Variants in SYNDIG1 observed in about 807,000 individuals in gnomAD.
SYNDIG1 encodes the protein synapse differentiation inducing 1.
A neutral mutation model predicts 19.4 loss-of-function variants in SYNDIG1; 9 were observed. The ratio of observed to expected loss-of-function variants is 0.46; its 90% CI spans 0.28 to 0.81. SYNDIG1 has a LOEUF of 0.81. SYNDIG1 is among the 30% of genes least tolerant of loss of function. The pLI is 0.12. For synonymous variants in SYNDIG1, 141 were observed against 145.9 expected, an observed-to-expected ratio of 0.97 and a Z score of 0.24; for missense variants, 311 against 343.3, an observed-to-expected ratio of 0.91 and a Z score of 0.74.
At chr20:24,497,465 G>A (rs948607245) in intron 1 of SYNDIG1, among the ~76,000 whole-genome samples, 1 of 152,040 alleles carries the variant, frequency 6.6e-6, no homozygotes, top group African/African-American at 2.4e-5. Flanking sequence ...CCTCCCAAAG[G>A]GCTGGGATTA....
chr20:24,557,253 T>C (rs2057839779), intron 2 of SYNDIG1, among the ~76,000 whole-genome samples: 3 of 152,232 alleles, frequency 2.0e-5, no homozygotes, highest in Admixed American at 1.3e-4. Context: ...GATTTGAATT[T>C]CCTCCTGTAG....
intron 1 of SYNDIG1, among the ~76,000 whole-genome samples, chr20:24,529,384 G>A (rs1426691034): frequency 1.3e-5 from 2 of 151,632 alleles, no homozygotes; most frequent in African/African-American, 4.8e-5. Context: ...GTATGGAAGG[G>A]ATGATGGCTA....
chr20:24,514,788 A>C lies in SYNDIG1; in HGVS notation c.-78-28232A>C, dbSNP rs1262337138. Among the ~76,000 whole-genome samples, 5 of 152,346 alleles carry C rather than the reference A, an allele frequency of 3.3e-5. No individual in the cohort carries two copies. In the East Asian group the frequency reaches 9.6e-4, roughly 29 times the overall value. On this transcript the variant is annotated intron_variant, in intron 1 of 3. Transcript: ENST00000376862. Reference sequence around the variant, plus strand: ...CACCAAGTGGACCTAATAGACATCTACAGAACTCTCCACCCCAAATCAACA... The same window carrying C: ...CACCAAGTGGACCTAATAGACATCTCCAGAACTCTCCACCCCAAATCAACA...
At chr20:24,583,150 A>T (rs550221340) in intron 2 of SYNDIG1, among the ~76,000 whole-genome samples, 56 of 152,334 alleles carry the variant, frequency 3.7e-4, no homozygotes, top group African/African-American at 1.3e-3. Flanking sequence ...TTAATTAACA[A>T]AAATGGGAAA....
chr20:24,563,332 C>T (rs966521809), intron 2 of SYNDIG1, among the ~76,000 whole-genome samples: 4 of 152,156 alleles, frequency 2.6e-5, no homozygotes, highest in South Asian at 2.1e-4. Context: ...AAACAGAAAT[C>T]GATCCTCCCA....
rs1257243434 is a variant in SYNDIG1, at chr20:24,650,271, C to T, written c.619-15075C>T. ...AAAGAGTGAACCAGCTAGAAAGCAGCGTTTGTACAAATGCTGTGTCTGCCT... is the reference window on the plus strand; with the variant it reads ...AAAGAGTGAACCAGCTAGAAAGCAGTGTTTGTACAAATGCTGTGTCTGCCT... On this transcript the variant is annotated intron_variant, in intron 3 of 3. Transcript: ENST00000376862. Among the ~76,000 whole-genome samples the T allele has an allele frequency of 2.6e-5, 4 of 152,238 alleles. No homozygotes were observed. The East Asian group carries it at 5.8e-4, about 22-fold the overall frequency.
At chr20:24,582,339 G>A (rs1256038277) in intron 2 of SYNDIG1, among the ~76,000 whole-genome samples, 2 of 66,908 alleles carry the variant, frequency 3.0e-5, no homozygotes, top group East Asian at 4.6e-4. Context: ...CCCACGGCAC[G>A]GCCTCCCCCC....
intron 2 of SYNDIG1, among the ~76,000 whole-genome samples, chr20:24,551,776 A>T (rs936987147): frequency 6.6e-6 from 1 of 152,134 alleles, no homozygotes; most frequent in African/African-American, 2.4e-5. Flanking sequence ...TTTAATTTCC[A>T]AATATTCAGG....
At chr20:24,504,914 C>T (rs1234281310) in intron 1 of SYNDIG1, among the ~76,000 whole-genome samples, 1 of 152,152 alleles carries the variant, frequency 6.6e-6, no homozygotes, top group Non-Finnish European at 1.5e-5. Flanking sequence ...TGTGGGGAAG[C>T]AACTAGGAAA....
chr20:24,487,924 T>C, intron 1 of SYNDIG1, among the ~76,000 whole-genome samples: 1 of 152,106 alleles, frequency 6.6e-6, no homozygotes. Flanking sequence ...TGTCCAAACA[T>C]GTCGGTGAGG....
In SYNDIG1 at chr20:24,626,670, G is replaced by A. The variant is rs1211750490; in HGVS notation, c.619-38676G>A. Reference sequence around the variant, plus strand: ...AGAGACGCTCCTCACTTCCCAGATGGGGTAGCGGCCGGGCAGAGGCTGCAA... The same window carrying A: ...AGAGACGCTCCTCACTTCCCAGATGAGGTAGCGGCCGGGCAGAGGCTGCAA... On this transcript the variant is annotated intron_variant, in intron 3 of 3. Transcript: ENST00000376862. Among the ~76,000 whole-genome samples the A allele has an allele frequency of 2.0e-5, 3 of 152,358 alleles. No individual in the cohort carries two copies. In the East Asian group the frequency reaches 5.8e-4, roughly 29 times the overall value.
At chr20:24,633,258 G>A (rs1426449533) in intron 3 of SYNDIG1, among the ~76,000 whole-genome samples, 1 of 152,176 alleles carries the variant, frequency 6.6e-6, no homozygotes, top group Non-Finnish European at 1.5e-5. Flanking sequence ...CCTGAGTACA[G>A]ACGTAGGATC....
chr20:24,470,498 C>T (rs1354870604), intron 1 of SYNDIG1, among the ~76,000 whole-genome samples: 1 of 150,904 alleles, frequency 6.6e-6, no homozygotes, highest in African/African-American at 2.5e-5. Flanking sequence ...GAGATGGGAG[C>T]GAGCACATAC....
intron 1 of SYNDIG1, among the ~76,000 whole-genome samples, chr20:24,493,865 G>A (rs1041697904): frequency 1.4e-4 from 22 of 152,310 alleles, no homozygotes; most frequent in Admixed American, 1.1e-3. Flanking sequence ...TGAGCCCCCC[G>A]GCTGGCCAAG....
At chr20:24,541,967 C>T (rs2057477391) in intron 1 of SYNDIG1, among the ~76,000 whole-genome samples, 2 of 152,202 alleles carry the variant, frequency 1.3e-5, no homozygotes, top group Admixed American at 6.5e-5. Flanking sequence ...CAGGGAAAGG[C>T]TCTGAGCAGG....
intron 3 of SYNDIG1, among the ~76,000 whole-genome samples, chr20:24,646,510 C>T (rs572442862): frequency 1.3e-5 from 2 of 152,272 alleles, no homozygotes; most frequent in South Asian, 2.1e-4. Context: ...TGGCACACCC[C>T]ACTTCCTCTC....
At chr20:24,548,212 A>G (rs763909117) in intron 2 of SYNDIG1, among the ~76,000 whole-genome samples, 4 of 152,212 alleles carry the variant, frequency 2.6e-5, no homozygotes, top group Admixed American at 6.5e-5. Flanking sequence ...TGGATCTGAG[A>G]CAGATCTCCT....
chr20:24,645,068 A>G (rs542112834), intron 3 of SYNDIG1, among the ~76,000 whole-genome samples: 1 of 152,320 alleles, frequency 6.6e-6, no homozygotes, highest in South Asian at 2.1e-4. Flanking sequence ...TACATTAGCA[A>G]AAATGCTTGA....
At chr20:24,615,365 G>T (rs2058914934) in intron 3 of SYNDIG1, among the ~76,000 whole-genome samples, 1 of 152,170 alleles carries the variant, frequency 6.6e-6, no homozygotes, top group African/African-American at 2.4e-5. Context: ...CGAGACCTGG[G>T]TTCAGCCTGG....
Sources: allele counts gnomAD v4.1 joint callset (sites outside exome capture counted in the v4.1 genomes callset), GRCh38; gene constraint gnomAD v4.1.1; transcripts MANE v1.5; gene names NCBI Gene and HGNC (gene_info 2026-07-23, HGNC 2026-07-21).